Variants in KCNMA1 observed in about 807,000 individuals in gnomAD.
The protein encoded by KCNMA1 is potassium calcium-activated channel subfamily M alpha 1.
KCNMA1 carries 29 observed loss-of-function variants against 140.0 expected under a neutral mutation model. That is an observed-to-expected ratio of 0.21 (90% CI 0.15 to 0.28). The LOEUF (loss-of-function observed/expected upper bound fraction) is 0.28, where lower values mean the gene tolerates loss of function less well. Ranked by LOEUF, KCNMA1 falls within the 10% of genes least tolerant of loss-of-function variation. The pLI is 1.00. For missense variants in KCNMA1, 880 were observed against 1,602.2 expected (o/e 0.55, Z 7.70); for synonymous variants, 612 against 611.9 (o/e 1.00, Z 0.00).
intron 17 of KCNMA1, among the ~76,000 whole-genome samples, chr10:77,014,091 G>A (rs979895368): frequency 1.7e-4 from 26 of 152,154 alleles, no homozygotes; most frequent in Non-Finnish European, 3.7e-4. Flanking sequence ...ACATTATACA[G>A]ATAAAGAAAC....
intron 23 of KCNMA1, among the ~76,000 whole-genome samples, chr10:76,922,327 T>A (rs1175888035): frequency 6.6e-6 from 1 of 152,176 alleles, no homozygotes; most frequent in Non-Finnish European, 1.5e-5. Context: ...ATAGTTGATA[T>A]CTGCTGTTTT....
At chr10:76,982,054 T>A (rs1031237683) in intron 19 of KCNMA1, among the ~76,000 whole-genome samples, 1 of 152,232 alleles carries the variant, frequency 6.6e-6, no homozygotes, top group East Asian at 1.9e-4. Flanking sequence ...TAGTTAAGTA[T>A]GAGACCCTTC....
At chr10:77,520,090 A>G (rs1021170378) in intron 1 of KCNMA1, among the ~76,000 whole-genome samples, 10 of 118,058 alleles carry the variant, frequency 8.5e-5, no homozygotes, top group South Asian at 2.8e-4. Context: ...GGTCTGGAGT[A>G]TGCAGTGTGA....
At chr10:77,267,001 G>A (rs1385503036) in intron 2 of KCNMA1, among the ~76,000 whole-genome samples, 2 of 152,162 alleles carry the variant, frequency 1.3e-5, no homozygotes, top group Non-Finnish European at 2.9e-5. Context: ...CCCCACTAGT[G>A]AGTAAAATTT....
At chr10:77,337,700 T>C (rs1188325294) in intron 2 of KCNMA1, among the ~76,000 whole-genome samples, 1 of 152,234 alleles carries the variant, frequency 6.6e-6, no homozygotes, top group South Asian at 2.1e-4. Flanking sequence ...TCATGTTTAA[T>C]GCTGTTGACA....
chr10:77,391,346 C>G (rs576736223), intron 2 of KCNMA1, among the ~76,000 whole-genome samples: 74 of 152,298 alleles, frequency 4.9e-4, no homozygotes, highest in African/African-American at 1.8e-3. Flanking sequence ...CCTGGCTTCC[C>G]ACCCTCACCC....
At chr10:77,141,036 C>T (rs1471685175) in intron 5 of KCNMA1, among the ~76,000 whole-genome samples, 3 of 152,084 alleles carry the variant, frequency 2.0e-5, no homozygotes, top group African/African-American at 7.2e-5. Flanking sequence ...GGATGTGATG[C>T]CCAACAAGAA....
At chr10:77,072,810 T>C (rs1417079739) in intron 14 of KCNMA1, among the ~76,000 whole-genome samples, 1 of 152,200 alleles carries the variant, frequency 6.6e-6, no homozygotes, top group Non-Finnish European at 1.5e-5. Flanking sequence ...AATCATATTT[T>C]TGTTTTAACA....
intron 14 of KCNMA1, among the ~76,000 whole-genome samples, chr10:77,058,060 A>G (rs2095606796): frequency 6.7e-6 from 1 of 149,898 alleles, no homozygotes; most frequent in African/African-American, 2.4e-5. Flanking sequence ...CAAACAAAAA[A>G]GAGGAGAAAA....
intron 23 of KCNMA1, among the ~76,000 whole-genome samples, chr10:76,941,562 GCAGA>G (rs1296039524): frequency 6.6e-6 from 1 of 152,112 alleles, no homozygotes; most frequent in Non-Finnish European, 1.5e-5. Context: ...CAAGAGAGGA[GCAGA>G]CAGACAGACA....
intron 2 of KCNMA1, among the ~76,000 whole-genome samples, chr10:77,353,970 T>TGGGGGGGGGGGGG (rs563299513): frequency 2.2e-5 from 2 of 92,936 alleles, no homozygotes; most frequent in Admixed American, 1.2e-4. Flanking sequence ...CCTCTTTTTT[T>TGGGGGGGGGGGGG]GGGGGGGGGG....
chr10:77,304,763 T>G (rs1305718898), intron 2 of KCNMA1, among the ~76,000 whole-genome samples: 2 of 152,178 alleles, frequency 1.3e-5, no homozygotes, highest in Non-Finnish European at 2.9e-5. Context: ...CAGGATTGAC[T>G]TCAGTTACCT....
chr10:77,350,601 CA>C (rs1038555898), intron 2 of KCNMA1: 3 of 152,210 alleles, frequency 2.0e-5, no homozygotes, highest in Non-Finnish European at 4.4e-5. Context: ...AGAACTACAG[CA>C]AATTCAACTG....
At chr10:77,525,553 C>T (rs939270857) in intron 1 of KCNMA1, among the ~76,000 whole-genome samples, 7 of 152,228 alleles carry the variant, frequency 4.6e-5, no homozygotes, top group Admixed American at 1.3e-4. Context: ...AGTGCTTCAA[C>T]GGCCCACTGG....
intron 1 of KCNMA1, among the ~76,000 whole-genome samples, chr10:77,506,592 A>AGTGT (rs1303397612): frequency 2.4e-5 from 2 of 83,062 alleles, no homozygotes; most frequent in South Asian, 8.1e-4. Flanking sequence ...AGAGAGAGAG[A>AGTGT]GAGAGTGTGT....
intron 2 of KCNMA1, among the ~76,000 whole-genome samples, chr10:77,366,072 A>C (rs998287337): frequency 1.2e-4 from 19 of 152,184 alleles, no homozygotes; most frequent in Admixed American, 1.2e-3. Flanking sequence ...ATTCCAAGGA[A>C]GCACTTTGCA....
chr10:77,087,919 T>C (rs2096730149), intron 10 of KCNMA1, among the ~76,000 whole-genome samples: 1 of 151,764 alleles, frequency 6.6e-6, no homozygotes, highest in South Asian at 2.1e-4. Flanking sequence ...TTTAAATAAA[T>C]AATAGTAAAA....
chr10:77,012,632 AT>A, intron 17 of KCNMA1: 1 of 1,216,334 alleles, frequency 8.2e-7, no homozygotes, highest in Non-Finnish European at 1.2e-6. Context: ...TTCACAGCTT[AT>A]TTTACTCCAA....
intron 23 of KCNMA1, among the ~76,000 whole-genome samples, chr10:76,917,070 A>C (rs1356839713): frequency 6.6e-6 from 1 of 152,216 alleles, no homozygotes; most frequent in East Asian, 1.9e-4. Flanking sequence ...ATAACCAAAA[A>C]CACGCATTTT....
Sources: allele counts gnomAD v4.1 joint callset (sites outside exome capture counted in the v4.1 genomes callset), GRCh38; gene constraint gnomAD v4.1.1; transcripts MANE v1.5; gene names NCBI Gene and HGNC (gene_info 2026-07-23, HGNC 2026-07-21).